Variants in LRP1B observed in about 807,000 individuals in gnomAD.
LRP1B encodes the protein LDL receptor related protein 1B.
Under a neutral mutation model 556.6 loss-of-function variants are expected in LRP1B, and 217 were observed. The ratio of observed to expected loss-of-function variants is 0.39; its 90% CI spans 0.35 to 0.44. The LOEUF (loss-of-function observed/expected upper bound fraction) is 0.44. Ranked by LOEUF, LRP1B falls within the 20% of genes least tolerant of loss-of-function variation. LRP1B has a pLI of 1.00. For missense variants in LRP1B, 5,053 were observed against 5,620.8 expected (o/e 0.90, Z 3.23); for synonymous variants, 2,047 against 1,865.8 (o/e 1.10, Z -2.50).
intron 27 of LRP1B, among the ~76,000 whole-genome samples, chr2:140,860,751 T>C (rs1191095048): frequency 6.6e-6 from 1 of 152,124 alleles, no homozygotes; most frequent in Non-Finnish European, 1.5e-5. Flanking sequence ...AGATTCTTGC[T>C]GGGTTTATGA....
chr2:141,572,122 A>G (rs1039407948), intron 2 of LRP1B, among the ~76,000 whole-genome samples: 1 of 152,162 alleles, frequency 6.6e-6, no homozygotes, highest in Non-Finnish European at 1.5e-5. Flanking sequence ...CCCAAGAAAC[A>G]TAATCATCAG....
intron 41 of LRP1B, among the ~76,000 whole-genome samples, chr2:140,609,963 T>C (rs923557277): frequency 3.3e-5 from 5 of 152,156 alleles, no homozygotes; most frequent in African/African-American, 1.2e-4. Context: ...TTCCACCTTA[T>C]CTCGGGTTAG....
chr2:140,311,867 CTG>C (rs1684320065), intron 83 of LRP1B, among the ~76,000 whole-genome samples: 1 of 151,856 alleles, frequency 6.6e-6, no homozygotes, highest in African/African-American at 2.4e-5. Flanking sequence ...AGTTAGGTGA[CTG>C]TGGATTTTAT....
intron 35 of LRP1B, among the ~76,000 whole-genome samples, chr2:140,751,540 G>C (rs1412479259): frequency 6.6e-6 from 1 of 152,036 alleles, no homozygotes; most frequent in Non-Finnish European, 1.5e-5. Context: ...TTCATCCCTT[G>C]ATACCTGAGT....
At chr2:140,800,924 T>C (rs1047795189) in intron 32 of LRP1B, among the ~76,000 whole-genome samples, 4 of 152,178 alleles carry the variant, frequency 2.6e-5, no homozygotes, top group Non-Finnish European at 4.4e-5. Flanking sequence ...TATTTTAATA[T>C]GTGTTTCAAT....
At chr2:140,645,633 G>T (rs1283882675) in intron 41 of LRP1B, among the ~76,000 whole-genome samples, 1 of 140,752 alleles carries the variant, frequency 7.1e-6, no homozygotes, top group Non-Finnish European at 1.5e-5. Context: ...TCCGCCTCCC[G>T]GGTTCACGCC....
At position 141,383,131 on chromosome 2, in the gene LRP1B, AT is replaced by A. The variant is rs1689700137; in HGVS notation, c.343+97264del. ...AGTATATGAAAAGGTGCACAACATC[AT>A]TTGCCATCAGAGAAATGTGAATCAA... On this transcript the variant is annotated intron_variant, in intron 3 of 90. Transcript: ENST00000389484. Among the ~76,000 whole-genome samples, 4 of 152,196 alleles carry A rather than the reference AT, an allele frequency of 2.6e-5. No individual in the cohort carries two copies. In the South Asian group the frequency reaches 8.3e-4, roughly 32 times the overall value.
intron 7 of LRP1B, among the ~76,000 whole-genome samples, chr2:141,132,577 C>A (rs1376024030): frequency 6.6e-6 from 1 of 151,832 alleles, no homozygotes; most frequent in East Asian, 1.9e-4. Context: ...ACTAGGACAT[C>A]AATACTATTA....
chr2:140,492,356 A>G (rs1688737092), intron 57 of LRP1B, among the ~76,000 whole-genome samples: 1 of 152,204 alleles, frequency 6.6e-6, no homozygotes, highest in Non-Finnish European at 1.5e-5. Context: ...TACTAGAAAA[A>G]TGAGAAATAA....
At chr2:140,773,088 C>CAACAAACA (rs201778171) in intron 33 of LRP1B, among the ~76,000 whole-genome samples, 23 of 151,856 alleles carry the variant, frequency 1.5e-4, no homozygotes, top group Middle Eastern at 3.4e-3. Context: ...GAGACTGTCT[C>CAACAAACA]AACAAACAAA....
At chr2:141,497,928 A>T (rs1683567885) in intron 2 of LRP1B, among the ~76,000 whole-genome samples, 1 of 151,832 alleles carries the variant, frequency 6.6e-6, no homozygotes, top group Non-Finnish European at 1.5e-5. Flanking sequence ...ACATGTTTCT[A>T]AAAGTAAAAA....
chr2:141,125,136 A>T (rs1190578375), intron 7 of LRP1B, among the ~76,000 whole-genome samples: 1 of 152,248 alleles, frequency 6.6e-6, no homozygotes, highest in African/African-American at 2.4e-5. Flanking sequence ...GGAACCATAT[A>T]TAACATTTGG....
intron 43 of LRP1B, among the ~76,000 whole-genome samples, chr2:140,567,307 C>G (rs1681162943): frequency 6.6e-6 from 1 of 152,124 alleles, no homozygotes; most frequent in African/African-American, 2.4e-5. Context: ...GGGATACTGA[C>G]AAGTCCTACA....
rs1231927652 is a variant in LRP1B at position 140,247,083 on chromosome 2, T to G, written c.13324+3A>C. ...ACCCAAAATATTAATCTGAGAAACTTACTTGTGCTGATATGATCAGACTTG... is the reference window on the plus strand; with the variant it reads ...ACCCAAAATATTAATCTGAGAAACTGACTTGTGCTGATATGATCAGACTTG... On this transcript the variant is annotated splice_donor_region_variant and intron_variant, in intron 87 of 90. Transcript: ENST00000389484. The G allele has an allele frequency of 6.2e-7, 1 of 1,605,766 alleles. No homozygotes were observed. Among genetic ancestry groups the G allele is most frequent in the Non-Finnish European group, 8.5e-7 (1 of 1,173,922 alleles).
intron 2 of LRP1B, among the ~76,000 whole-genome samples, chr2:141,708,194 C>G (rs989454886): frequency 6.6e-6 from 1 of 151,172 alleles, no homozygotes; most frequent in Non-Finnish European, 1.5e-5. Context: ...CCTGCACGTC[C>G]GCACATGTAT....
At chr2:141,809,386 A>G (rs1696264113) in intron 2 of LRP1B, among the ~76,000 whole-genome samples, 1 of 152,004 alleles carries the variant, frequency 6.6e-6, no homozygotes, top group Admixed American at 6.6e-5. Context: ...TTTTTTTTTC[A>G]CATTAGCTTC....
chr2:140,455,703 G>C (rs575324551), intron 62 of LRP1B, among the ~76,000 whole-genome samples: 1 of 152,258 alleles, frequency 6.6e-6, no homozygotes, highest in African/African-American at 2.4e-5. Flanking sequence ...AACAATCCAA[G>C]AGAAATTCAG....
intron 3 of LRP1B, among the ~76,000 whole-genome samples, chr2:141,316,640 G>A (rs1687045380): frequency 6.6e-6 from 1 of 152,180 alleles, no homozygotes; most frequent in Non-Finnish European, 1.5e-5. Context: ...TATGTCAAAA[G>A]AAGTTCTGAG....
chr2:140,920,032 G>A (rs990725462), intron 21 of LRP1B, among the ~76,000 whole-genome samples: 10 of 152,064 alleles, frequency 6.6e-5, no homozygotes, highest in Non-Finnish European at 8.8e-5. Flanking sequence ...CTACAAGTAG[G>A]ACAGAAGGAT....
Sources: allele counts gnomAD v4.1 joint callset (sites outside exome capture counted in the v4.1 genomes callset), GRCh38; gene constraint gnomAD v4.1.1; transcripts MANE v1.5; gene names NCBI Gene and HGNC (gene_info 2026-07-23, HGNC 2026-07-21).